LPP: variants seen among roughly 807,000 people sequenced by gnomAD.
LPP encodes LIM domain containing preferred translocation partner in lipoma, also known as lipoma-preferred partner.
In LPP, 38 loss-of-function variants were observed where a neutral mutation model predicts 60.4. The observed-to-expected ratio is 0.63, with a 90% CI of 0.49 to 0.83. LPP has a LOEUF of 0.83. LPP is among the 40% of genes least tolerant of loss of function. The pLI is 0.00. For synonymous variants in LPP, 328 were observed against 290.8 expected (o/e 1.13, Z -1.30); for missense variants, 902 against 783.6 (o/e 1.15, Z -1.80).
intron 9 of LPP, among the ~76,000 whole-genome samples, chr3:188,865,486 C>G (rs1277262073): frequency 6.6e-6 from 1 of 152,182 alleles, no homozygotes; most frequent in Middle Eastern, 3.2e-3. Flanking sequence ...CATGCTCTGT[C>G]TCAGTCATCT....
intron 3 of LPP, among the ~76,000 whole-genome samples, chr3:188,357,758 A>G (rs990295954): frequency 3.3e-5 from 5 of 152,216 alleles, no homozygotes; most frequent in Non-Finnish European, 5.9e-5. Flanking sequence ...AGAATAGTAT[A>G]ATAAATCATT....
intron 9 of LPP, among the ~76,000 whole-genome samples, chr3:188,856,615 G>A (rs1271580283): frequency 6.6e-6 from 1 of 152,172 alleles, no homozygotes; most frequent in African/African-American, 2.4e-5. Context: ...TGTTAAGGCA[G>A]AATACTTAGT....
intron 9 of LPP, among the ~76,000 whole-genome samples, chr3:188,832,056 G>T (rs1229051320): frequency 3.3e-5 from 5 of 152,172 alleles, no homozygotes; most frequent in Admixed American, 3.3e-4. Context: ...AGGCTCTAGG[G>T]TGACTTCCAA....
At position 188,794,695 on chromosome 3, in the gene LPP, A is replaced by T. The variant is rs529031298; in HGVS notation, c.1410+34413A>T. On this transcript the variant is annotated intron_variant, in intron 9 of 11. Transcript: ENST00000617246. ...GGGGTCCTTGTGCACCTCACTAAGGAAGGTCTTTGGCAGAGGCAGAGACCA... is the reference window on the plus strand; with the variant it reads ...GGGGTCCTTGTGCACCTCACTAAGGTAGGTCTTTGGCAGAGGCAGAGACCA... 2.6e-5 allele frequency among the ~76,000 whole-genome samples: 4 copies of T among 152,306 alleles called. No homozygotes were observed. The South Asian group carries it at 8.3e-4, about 32-fold the overall frequency.
intron 1 of LPP, among the ~76,000 whole-genome samples, chr3:188,185,555 C>T (rs945718226): frequency 2.0e-5 from 3 of 152,088 alleles, no homozygotes; most frequent in African/African-American, 7.2e-5. Flanking sequence ...CCTCTATATA[C>T]CCCACAGTTT....
At chr3:188,394,551 A>AGTGTGTGTGTGTGTGTGT (rs1209092729) in intron 3 of LPP, among the ~76,000 whole-genome samples, 160 of 146,988 alleles carry the variant, frequency 1.1e-3, no homozygotes, top group East Asian at 6.6e-3. Flanking sequence ...AAATATCTAA[A>AGTGTGTGTGTGTGTGTGT]GTGTGTGTGT....
chr3:188,340,124 T>C (rs186605579), intron 2 of LPP, among the ~76,000 whole-genome samples: 9 of 152,332 alleles, frequency 5.9e-5, no homozygotes, highest in Admixed American at 2.0e-4. Context: ...CTACGTCATG[T>C]AGTAGGAGGG....
chr3:188,658,355 A>T (rs1030150511), intron 7 of LPP, among the ~76,000 whole-genome samples: 1 of 152,162 alleles, frequency 6.6e-6, no homozygotes, highest in Non-Finnish European at 1.5e-5. Flanking sequence ...CATATTGGCC[A>T]GGCTGGTCTC....
chr3:188,269,661 G>GTGTGTGTGTGTA (rs1261107443), intron 2 of LPP, among the ~76,000 whole-genome samples: 3 of 151,182 alleles, frequency 2.0e-5, no homozygotes, highest in African/African-American at 7.3e-5. Context: ...GTGTGTGTGT[G>GTGTGTGTGTGTA]TGTGTGTGTG....
In LPP at chr3:188,516,137, T is replaced by TC. The variant is rs575442656; in HGVS notation, c.307-8524dup. On this transcript the variant is annotated intron_variant, in intron 5 of 11. Transcript: ENST00000617246. ...TTAGTGGGTTATTTGTAAGTCCTCC[T>TC]CCCCTGGAGAAGGGTACATTTGGGG... 1.3e-4 allele frequency among the ~76,000 whole-genome samples: 20 copies of TC among 152,258 alleles called. No individual in the cohort carries two copies. In the East Asian group the frequency reaches 3.1e-3, roughly 24 times the overall value.
chr3:188,567,907 A>T (rs764886494), intron 6 of LPP, among the ~76,000 whole-genome samples: 1 of 151,998 alleles, frequency 6.6e-6, no homozygotes, highest in Non-Finnish European at 1.5e-5. Context: ...CAGAGTCCAT[A>T]CTCATAACAC....
At chr3:188,783,488 A>G (rs1020232891) in intron 9 of LPP, among the ~76,000 whole-genome samples, 2 of 152,182 alleles carry the variant, frequency 1.3e-5, no homozygotes, top group Non-Finnish European at 2.9e-5. Context: ...CTCATTTATA[A>G]GTGAGAGCTG....
intron 1 of LPP, among the ~76,000 whole-genome samples, chr3:188,159,463 T>C (rs1381915445): frequency 1.3e-5 from 2 of 152,248 alleles, no homozygotes; most frequent in Non-Finnish European, 2.9e-5. Context: ...GCATCACCAC[T>C]TCATCTTACA....
chr3:188,409,908 G>A lies in LPP; in HGVS notation c.193+3595G>A, dbSNP rs187742289. 6.6e-3 allele frequency among the ~76,000 whole-genome samples: 1,004 copies of A among 152,284 alleles called. 8 individuals carry two copies. The highest frequency in any genetic ancestry group is 0.023 in the African/African-American group (938 of 41,566). ...AGAGAAGCACAGCCTGCTCTGAGCCGAGTTGGCACTCAAGTCTTTTCCCTC... is the reference window on the plus strand; with the variant it reads ...AGAGAAGCACAGCCTGCTCTGAGCCAAGTTGGCACTCAAGTCTTTTCCCTC... On this transcript the variant is annotated intron_variant, in intron 4 of 11. Transcript: ENST00000617246.
intron 6 of LPP, among the ~76,000 whole-genome samples, chr3:188,535,468 A>T (rs1823315808): frequency 6.6e-6 from 1 of 152,218 alleles, no homozygotes; most frequent in Admixed American, 6.5e-5. Flanking sequence ...ATTGTCTTCA[A>T]ATCTTTACAT....
chr3:188,756,459 C>A (rs1280170715), intron 8 of LPP, among the ~76,000 whole-genome samples: 2 of 152,072 alleles, frequency 1.3e-5, no homozygotes, highest in African/African-American at 4.8e-5. Context: ...CCTGGTTTCT[C>A]TTGTTTAAAA....
At chr3:188,683,349 C>T (rs1859948064) in intron 7 of LPP, among the ~76,000 whole-genome samples, 2 of 152,072 alleles carry the variant, frequency 1.3e-5, no homozygotes, top group African/African-American at 2.4e-5. Context: ...ACTTAGGAGA[C>T]ACATTGGAGA....
chr3:188,800,459 A>C (rs906835768), intron 9 of LPP, among the ~76,000 whole-genome samples: 13 of 151,840 alleles, frequency 8.6e-5, no homozygotes, highest in East Asian at 1.9e-4. Flanking sequence ...GTTAGCCAGG[A>C]TGGTCTCCAT....
At chr3:188,273,589 C>T (rs199621854) in intron 2 of LPP, among the ~76,000 whole-genome samples, 26 of 80,430 alleles carry the variant, frequency 3.2e-4, no homozygotes, top group East Asian at 1.9e-3. Context: ...TATTTTATAT[C>T]TTTTTTTTTT....
Sources: allele counts gnomAD v4.1 joint callset (sites outside exome capture counted in the v4.1 genomes callset), GRCh38; gene constraint gnomAD v4.1.1; transcripts MANE v1.5; gene names NCBI Gene and HGNC (gene_info 2026-07-23, HGNC 2026-07-21).